The following TBC1D5 variants were observed in gnomAD, a reference collection of about 807,000 sequenced individuals.
The protein encoded by TBC1D5 is TBC1 domain family, member 5.
Under a neutral mutation model 100.3 loss-of-function variants are expected in TBC1D5, and 75 were observed. The ratio of observed to expected loss-of-function variants is 0.75; its 90% CI spans 0.62 to 0.91. The LOEUF (loss-of-function observed/expected upper bound fraction) is 0.91, where lower values mean the gene tolerates loss of function less well. Among genes scored for constraint, TBC1D5 ranks in the 40% least tolerant of loss-of-function variants. TBC1D5 has a pLI of 0.00. For synonymous variants in TBC1D5, 323 were observed against 325.6 expected (o/e 0.99, Z 0.09); for missense variants, 910 against 942.4 (o/e 0.97, Z 0.45).
At chr3:17,299,335 T>C (rs555068389) in intron 14 of TBC1D5, among the ~76,000 whole-genome samples, 3 of 152,316 alleles carry the variant, frequency 2.0e-5, no homozygotes, top group East Asian at 1.9e-4. Flanking sequence ...AGGAGGTTTT[T>C]TTATTTTTGG....
At chr3:17,556,308 G>A (rs1240570433) in intron 2 of TBC1D5, among the ~76,000 whole-genome samples, 3 of 152,112 alleles carry the variant, frequency 2.0e-5, no homozygotes, top group Admixed American at 6.6e-5. Flanking sequence ...ATGAGCCACC[G>A]TGCTTAGCCT....
intron 15 of TBC1D5, among the ~76,000 whole-genome samples, chr3:17,281,583 A>C (rs1020782031): frequency 6.6e-6 from 1 of 152,242 alleles, no homozygotes; most frequent in Non-Finnish European, 1.5e-5. Flanking sequence ...AAACTAACTT[A>C]CATTTCCCAA....
intron 9 of TBC1D5, 47 bp from the exon 10 acceptor site, chr3:17,376,660 C>T (rs1559753680): frequency 1.3e-6 from 2 of 1,544,450 alleles, no homozygotes; most frequent in East Asian, 2.3e-5. Context: ...TACTCAGAGT[C>T]CATTAGTGGA....
intron 15 of TBC1D5, among the ~76,000 whole-genome samples, chr3:17,270,624 A>C (rs1201094254): frequency 6.6e-6 from 1 of 152,126 alleles, no homozygotes; most frequent in East Asian, 1.9e-4. Context: ...CTTTAGTTTA[A>C]TGAGTTCTCA....
chr3:17,362,517 G>T (rs2091813889), intron 13 of TBC1D5, among the ~76,000 whole-genome samples: 2 of 151,984 alleles, frequency 1.3e-5, no homozygotes, highest in African/African-American at 2.4e-5. Flanking sequence ...TGTCGTCCAG[G>T]CTGGAGTACA....
intron 3 of TBC1D5, among the ~76,000 whole-genome samples, chr3:17,502,089 C>T (rs1272697227): frequency 6.7e-6 from 1 of 149,516 alleles, no homozygotes; most frequent in East Asian, 1.9e-4. Flanking sequence ...TAAGGTCCCT[C>T]TTCCTGTCTT....
intron 1 of TBC1D5, among the ~76,000 whole-genome samples, chr3:17,669,947 G>C (rs1374819397): frequency 6.6e-6 from 1 of 152,166 alleles, no homozygotes; most frequent in African/African-American, 2.4e-5. Context: ...GTGCAATGGC[G>C]CGATCTCGGC....
At chr3:17,615,532 G>T (rs374000337) in intron 2 of TBC1D5, among the ~76,000 whole-genome samples, 13 of 151,858 alleles carry the variant, frequency 8.6e-5, no homozygotes, top group African/African-American at 2.9e-4. Context: ...TTTTTTGGTT[G>T]GTAGTCTATT....
At chr3:17,579,378 G>A (rs2096678194) in intron 2 of TBC1D5, among the ~76,000 whole-genome samples, 1 of 152,138 alleles carries the variant, frequency 6.6e-6, no homozygotes. Context: ...TTGTCTGATC[G>A]TATGTTCATA....
intron 1 of TBC1D5, among the ~76,000 whole-genome samples, chr3:17,710,887 G>A (rs1289541921): frequency 2.0e-5 from 3 of 151,914 alleles, no homozygotes; most frequent in South Asian, 2.1e-4. Flanking sequence ...TAGTAGAGAC[G>A]GAGTTTCACC....
chr3:17,217,092 C>T (rs2073737633), intron 17 of TBC1D5, among the ~76,000 whole-genome samples: 2 of 152,090 alleles, frequency 1.3e-5, no homozygotes, highest in South Asian at 4.1e-4. Context: ...TATGAATTTG[C>T]CTTTTCTAGA....
At position 17,208,175 on chromosome 3, in the gene TBC1D5, C is replaced by T. The variant is rs557850671; in HGVS notation, c.1752+6032G>A. Reference sequence around the variant, plus strand: ...CTGGGACCACTCTAGTGGCAGCAGGCGGCTCCCATGGGAGAATGAGTCCCG... The same window carrying T: ...CTGGGACCACTCTAGTGGCAGCAGGTGGCTCCCATGGGAGAATGAGTCCCG... On this transcript the variant is annotated intron_variant, in intron 18 of 21. Coordinates refer to ENST00000253692, the Ensembl canonical transcript of TBC1D5. Among the ~76,000 whole-genome samples the T allele has an allele frequency of 5.6e-4, 86 of 152,308 alleles. No individual in the cohort carries two copies. In the South Asian group the frequency reaches 0.016, roughly 28 times the overall value.
intron 8 of TBC1D5, among the ~76,000 whole-genome samples, chr3:17,394,321 A>G (rs2093439687): frequency 6.6e-6 from 1 of 152,176 alleles, no homozygotes; most frequent in Non-Finnish European, 1.5e-5. Context: ...TTGAAGAAGC[A>G]TTGAATCTAG....
intron 2 of TBC1D5, among the ~76,000 whole-genome samples, chr3:17,563,883 C>T (rs1184002732): frequency 1.3e-5 from 2 of 152,242 alleles, no homozygotes; most frequent in East Asian, 1.9e-4. Context: ...CCTGGCTTCA[C>T]GCCATTCTCC....
intron 3 of TBC1D5, among the ~76,000 whole-genome samples, chr3:17,454,591 C>G (rs1362625880): frequency 6.6e-6 from 1 of 152,118 alleles, no homozygotes; most frequent in Non-Finnish European, 1.5e-5. Context: ...TCCTGAGTAG[C>G]TGGGACTACA....
At chr3:17,468,055 T>C (rs954416664) in intron 3 of TBC1D5, among the ~76,000 whole-genome samples, 1 of 152,138 alleles carries the variant, frequency 6.6e-6, no homozygotes, top group African/African-American at 2.4e-5. Context: ...CATAAAATAA[T>C]GAAGTGTCAA....
At chr3:17,418,260 G>A (rs1272009711) in intron 4 of TBC1D5, among the ~76,000 whole-genome samples, 1 of 151,808 alleles carries the variant, frequency 6.6e-6, no homozygotes, top group East Asian at 1.9e-4. Flanking sequence ...GATTAATTTT[G>A]TGTGATTTAA....
At chr3:17,463,943 CTTTTT>C (rs1025162858) in intron 3 of TBC1D5, among the ~76,000 whole-genome samples, 1,357 of 87,466 alleles carry the variant, frequency 0.016, 20 homozygotes, top group South Asian at 0.042. Context: ...TTCCTTATTC[CTTTTT>C]TTTTTTTTTT....
intron 13 of TBC1D5, among the ~76,000 whole-genome samples, chr3:17,343,764 G>T (rs13079106): frequency 1.3e-5 from 2 of 152,060 alleles, no homozygotes; most frequent in Non-Finnish European, 2.9e-5. Context: ...TAGAGGTGTT[G>T]GTAGTATTCT....
Sources: allele counts gnomAD v4.1 joint callset (sites outside exome capture counted in the v4.1 genomes callset), GRCh38; gene constraint gnomAD v4.1.1; transcripts MANE v1.5; gene names NCBI Gene and HGNC (gene_info 2026-07-23, HGNC 2026-07-21).